Variants in USP32 observed in about 807,000 individuals in gnomAD.
The protein encoded by USP32 is ubiquitin carboxyl-terminal hydrolase 32.
Under a neutral mutation model 204.8 loss-of-function variants are expected in USP32, and 59 were observed. The ratio of observed to expected loss-of-function variants is 0.29; its 90% CI spans 0.23 to 0.36. USP32 has a LOEUF of 0.36. Ranked by LOEUF, USP32 falls within the 10% of genes least tolerant of loss-of-function variation. The pLI is 1.00. For synonymous variants in USP32, 517 were observed against 678.4 expected (o/e 0.76, Z 3.70); for missense variants, 1,160 against 1,946.4 (o/e 0.60, Z 7.60).
chr17:60,373,230 C>T (rs1371485294), intron 1 of USP32, among the ~76,000 whole-genome samples: 1 of 151,970 alleles, frequency 6.6e-6, no homozygotes, highest in Admixed American at 6.6e-5. Flanking sequence ...AAAAGGTACA[C>T]CTATATAGGG....
intron 2 of USP32, among the ~76,000 whole-genome samples, chr17:60,301,906 T>G (rs1418484781): frequency 6.6e-6 from 1 of 152,160 alleles, no homozygotes; most frequent in South Asian, 2.1e-4. Context: ...GTGACTACTG[T>G]AAAATACGTA....
chr17:60,343,013 G>A (rs2088697406), intron 2 of USP32, among the ~76,000 whole-genome samples: 1 of 152,172 alleles, frequency 6.6e-6, no homozygotes. Flanking sequence ...CATCGATCAC[G>A]CTGGGAGCTG....
In USP32 at chr17:60,212,194, A is replaced by G. The variant is rs1029271848; in HGVS notation, c.2105-96T>C. The G allele has an allele frequency of 7.5e-6, 8 of 1,071,168 alleles. No individual in the cohort carries two copies. The African/African-American group carries it at 1.3e-4, about 18-fold the overall frequency. 66.4% of individuals were successfully genotyped at this position (1,071,168 alleles called of 1,614,324 possible). On this transcript the variant is annotated intron_variant, in intron 18 of 33. Transcript: ENST00000300896. Reference sequence around the variant, plus strand: ...TTTAAAGACATCTTATTCCTAAATCAGAAGTTTTAAAATCTAGTTAATTTT... The same window carrying G: ...TTTAAAGACATCTTATTCCTAAATCGGAAGTTTTAAAATCTAGTTAATTTT...
intron 9 of USP32, among the ~76,000 whole-genome samples, chr17:60,264,043 ACAT>A (rs1290636616): frequency 1.3e-5 from 2 of 152,226 alleles, no homozygotes; most frequent in African/African-American, 4.8e-5. Context: ...GGACACATAG[ACAT>A]CATAGTAATG....
intron 29 of USP32, among the ~76,000 whole-genome samples, chr17:60,187,369 T>C (rs1158273063): frequency 6.6e-6 from 1 of 152,212 alleles, no homozygotes; most frequent in Non-Finnish European, 1.5e-5. Context: ...ACTTGGGTTA[T>C]AGACTTCTTT....
intron 2 of USP32, among the ~76,000 whole-genome samples, chr17:60,314,749 A>T (rs2087933358): frequency 6.6e-6 from 1 of 152,226 alleles, no homozygotes; most frequent in African/African-American, 2.4e-5. Context: ...AAAGAAACTC[A>T]TATGTAAGAT....
intron 2 of USP32, among the ~76,000 whole-genome samples, chr17:60,306,591 T>C (rs1226947215): frequency 2.0e-5 from 3 of 151,714 alleles, no homozygotes; most frequent in Non-Finnish European, 2.9e-5. Context: ...TGAGCCAAGA[T>C]TGCACCACTG....
chr17:60,187,700 A>G (rs980455089), intron 29 of USP32, among the ~76,000 whole-genome samples: 13 of 152,178 alleles, frequency 8.5e-5, no homozygotes, highest in African/African-American at 3.1e-4. Context: ...GAAGGCTGAT[A>G]AAAAACATAT....
At chr17:60,179,451 T>G in intron 33 of USP32, 23 bp from the exon 34 acceptor site, 1 of 1,610,672 alleles carries the variant, frequency 6.2e-7, no homozygotes, top group Non-Finnish European at 8.5e-7. Context: ...GAAAAACCTT[T>G]AACAAAAAGC....
intron 26 of USP32, among the ~76,000 whole-genome samples, chr17:60,199,275 T>C (rs1598050811): frequency 2.0e-5 from 3 of 152,240 alleles, no homozygotes; most frequent in South Asian, 4.1e-4. Context: ...ATAACAAGCT[T>C]ATCCACCTTC....
chr17:60,379,152 G>T (rs888753412), intron 1 of USP32, among the ~76,000 whole-genome samples: 1 of 151,904 alleles, frequency 6.6e-6, no homozygotes, highest in African/African-American at 2.4e-5. Context: ...ACAATTTTTT[G>T]CTTTCTCAAA....
At chr17:60,379,825 A>G (rs1357047197) in intron 1 of USP32, among the ~76,000 whole-genome samples, 3 of 152,262 alleles carry the variant, frequency 2.0e-5, no homozygotes, top group Admixed American at 2.0e-4. Context: ...ATAGCAACAT[A>G]TCACAATCAT....
chr17:60,246,301 A>G (rs1424341705), intron 11 of USP32, among the ~76,000 whole-genome samples: 1 of 151,998 alleles, frequency 6.6e-6, no homozygotes, highest in Non-Finnish European at 1.5e-5. Context: ...GGCCTATCTC[A>G]CTTAACGTAA....
At chr17:60,305,293 A>T (rs951192073) in intron 2 of USP32, 2 of 152,228 alleles carry the variant, frequency 1.3e-5, no homozygotes, top group African/African-American at 4.8e-5. Context: ...AGCAGAGAAC[A>T]AGCATGTCAC....
intron 10 of USP32, among the ~76,000 whole-genome samples, chr17:60,254,722 T>G (rs1219619181): frequency 6.6e-6 from 1 of 152,030 alleles, no homozygotes; most frequent in Non-Finnish European, 1.5e-5. Context: ...ATAATGATAA[T>G]AATAATAAAA....
intron 2 of USP32, among the ~76,000 whole-genome samples, chr17:60,339,952 C>T (rs1349539640): frequency 4.6e-5 from 7 of 152,162 alleles, no homozygotes; most frequent in Non-Finnish European, 1.0e-4. Context: ...CAACTGGCAG[C>T]TTGTGTAGTC....
At chr17:60,327,688 C>A (rs1322049370) in intron 2 of USP32, among the ~76,000 whole-genome samples, 3 of 152,212 alleles carry the variant, frequency 2.0e-5, no homozygotes, top group African/African-American at 7.2e-5. Flanking sequence ...AGATGCAGGA[C>A]CTGGACATCT....
intron 5 of USP32, among the ~76,000 whole-genome samples, chr17:60,275,135 G>A (rs1364626319): frequency 6.6e-6 from 1 of 152,136 alleles, no homozygotes; most frequent in Non-Finnish European, 1.5e-5. Flanking sequence ...CACATTTTGA[G>A]CACTCAATAA....
chr17:60,363,991 G>A (rs955041193), intron 1 of USP32, among the ~76,000 whole-genome samples: 4 of 152,088 alleles, frequency 2.6e-5, no homozygotes, highest in South Asian at 2.1e-4. Context: ...CCCAAAACAT[G>A]CTTAATCTGT....
Sources: allele counts gnomAD v4.1 joint callset (sites outside exome capture counted in the v4.1 genomes callset), GRCh38; gene constraint gnomAD v4.1.1; transcripts MANE v1.5; gene names NCBI Gene and HGNC (gene_info 2026-07-23, HGNC 2026-07-21).